FOXN3: variants seen among roughly 807,000 people sequenced by gnomAD.
The protein encoded by FOXN3 is forkhead box N3, also known as forkhead box protein N3.
FOXN3 carries 7 observed loss-of-function variants against 38.4 expected under a neutral mutation model. That is an observed-to-expected ratio of 0.18 (90% CI 0.10 to 0.34). The LOEUF is 0.34. Among genes scored for constraint, FOXN3 ranks in the 10% least tolerant of loss-of-function variants. The probability of loss-of-function intolerance (pLI) is 1.00; values close to 1 mark genes in which losing one functional copy is unlikely to be tolerated. For missense variants in FOXN3, 456 were observed against 613.4 expected (o/e 0.74, Z 2.71); for synonymous variants, 230 against 242.2 (o/e 0.95, Z 0.47).
rs139004219 is a variant in FOXN3, at chr14:89,412,200, C to A, written c.277G>T (p.Asp93Tyr). ...SVSPVQDLDD[D>Y]TPPSPAHSDM... ...GAGTGGGCAGGGGATGGGGGGGTGT[C>A]ATCGTCCAGGTCCTGGACGGGGCTG... The change falls in exon 2 of 6, where the codon GAC (aspartate) becomes TAC (tyrosine). Residue 93 changes from aspartate to tyrosine, a missense_variant. By Grantham distance (160) the Asp-to-Tyr change is radical. This residue lies in a region of FOXN3 where 386 missense variants were observed against 505.2 expected (regional missense o/e 0.76). Coordinates refer to ENST00000557258, the MANE Select transcript of FOXN3 (RefSeq NM_005197.4). The surrounding 1 kb of genome is among the most constrained non-coding windows in gnomAD (Gnocchi z 4.7). The A allele has an allele frequency of 1.2e-6, 2 of 1,613,784 alleles. No homozygotes were observed. Among genetic ancestry groups the A allele is most frequent in the South Asian group, 2.2e-5 (2 of 91,050 alleles).
At chr14:89,241,175 C>A (rs11504649) in intron 4 of FOXN3, among the ~76,000 whole-genome samples, 55 of 152,184 alleles carry the variant, frequency 3.6e-4, no homozygotes, top group African/African-American at 1.2e-3. Context: ...CATTGCTCTT[C>A]GATGGCCTAT....
At chr14:89,479,107 G>A (rs967221504) in intron 1 of FOXN3, among the ~76,000 whole-genome samples, 18 of 152,014 alleles carry the variant, frequency 1.2e-4, no homozygotes, top group Non-Finnish European at 1.9e-4. Context: ...AGCTGAAACT[G>A]TGGCTGACAG....
chr14:89,337,655 G>C (rs1888505182), intron 3 of FOXN3, among the ~76,000 whole-genome samples: 2 of 138,694 alleles, frequency 1.4e-5, no homozygotes, highest in South Asian at 4.7e-4. Context: ...TTTTGAGACG[G>C]AGTCTTGCTC....
At chr14:89,527,030 A>AAAGGAGGATGGGGAGGGGG (rs1566687235) in intron 1 of FOXN3, among the ~76,000 whole-genome samples, 54 of 150,440 alleles carry the variant, frequency 3.6e-4, no homozygotes, top group Non-Finnish European at 7.0e-4. Context: ...TATTGAGGAC[A>AAAGGAGGATGGGGAGGGGG]GGAAAGGAGG....
At chr14:89,474,280 C>T (rs2139750220) in intron 1 of FOXN3, among the ~76,000 whole-genome samples, 1 of 152,240 alleles carries the variant, frequency 6.6e-6, no homozygotes, top group African/African-American at 2.4e-5. Context: ...CAATAAAGTG[C>T]TTGGAAATAA....
intron 1 of FOXN3, among the ~76,000 whole-genome samples, chr14:89,564,679 G>A (rs1895314953): frequency 6.6e-6 from 1 of 152,180 alleles, no homozygotes; most frequent in African/African-American, 2.4e-5. Flanking sequence ...TCTGTTGGAA[G>A]TCTTAACTCT....
In FOXN3 at chr14:89,363,616, C is replaced by T. The variant is rs142392879; in HGVS notation, c.544-12808G>A. Among the ~76,000 whole-genome samples, 65 of 152,276 alleles carry T rather than the reference C, an allele frequency of 4.3e-4. 1 individual carries two copies. In the East Asian group the frequency reaches 0.012, roughly 29 times the overall value. The stretch of plus-strand genomic sequence containing the variant: ...ATTTTGGGCTTAAATGGGATGATGA[C>T]GTATACAATATACCTAACACCATAC... On this transcript the variant is annotated intron_variant, in intron 2 of 5. Transcript: ENST00000557258.
At chr14:89,359,124 G>C (rs1447763819) in intron 2 of FOXN3, among the ~76,000 whole-genome samples, 1 of 151,976 alleles carries the variant, frequency 6.6e-6, no homozygotes, top group Admixed American at 6.6e-5. Flanking sequence ...GGTGAAACCT[G>C]TCTCTGCTAA....
intron 1 of FOXN3, among the ~76,000 whole-genome samples, chr14:89,577,744 C>T (rs1434950587): frequency 1.3e-5 from 2 of 152,148 alleles, no homozygotes; most frequent in Non-Finnish European, 2.9e-5. Context: ...CCTTTTTCTT[C>T]AGGCTATCAG....
Position 89,158,105 on chromosome 14 carries a change from G to A in FOXN3, c.*4309C>T, listed in dbSNP as rs1026483291. ...AGCTTCCCATTTAGGTCACTTGTAC[G>A]TAACTCCAATTCCTTCTCCAAGAGC... On this transcript the variant is annotated 3_prime_UTR_variant, in exon 6 of 6. Transcript: ENST00000557258. 5 of 152,262 alleles carry A rather than the reference G, an allele frequency of 3.3e-5. No individual in the cohort carries two copies. The highest frequency in any genetic ancestry group is 2.1e-4 in the South Asian group (1 of 4,834). 9.4% of individuals were successfully genotyped at this position (152,262 alleles called of 1,614,324 possible). A position where few individuals can be genotyped will look rare whatever the true frequency, so the allele number is the denominator to read the frequency against.
rs185284030 is a variant in FOXN3 at position 89,578,058 on chromosome 14, G to A, written c.-15+40970C>T. ...AGGTGACCAACCCACAGCTCTTCAG[G>A]GCTCTATATTTCAACCTTGAAAGAC... On this transcript the variant is annotated intron_variant, in intron 1 of 6. Coordinates refer to the FOXN3 transcript ENST00000345097. 3.9e-5 allele frequency among the ~76,000 whole-genome samples: 6 copies of A among 152,214 alleles called. No individual in the cohort carries two copies. In the East Asian group the frequency reaches 9.7e-4, roughly 25 times the overall value.
At chr14:89,219,853 C>T (rs1459840885) in intron 4 of FOXN3, among the ~76,000 whole-genome samples, 9 of 152,154 alleles carry the variant, frequency 5.9e-5, no homozygotes, top group African/African-American at 9.7e-5. Context: ...TATCCAGCAG[C>T]GCCCCTGAGA....
intron 3 of FOXN3, among the ~76,000 whole-genome samples, chr14:89,285,208 TG>T (rs1886587054): frequency 6.6e-6 from 1 of 152,138 alleles, no homozygotes; most frequent in Non-Finnish European, 1.5e-5. Context: ...ACCTGCCAAA[TG>T]TGAACTAGGA....
Position 89,555,882 on chromosome 14 carries a change from G to GTGTGTGTGTGTGT in FOXN3, c.-15+63145_-15+63146insACACACACACACA, listed in dbSNP as rs58769284. Among the ~76,000 whole-genome samples the GTGTGTGTGTGTGT allele has an allele frequency of 7.4e-3, 772 of 104,610 alleles. 53 individuals carry two copies. The highest frequency in any genetic ancestry group is 0.01 in the Non-Finnish European group (503 of 49,326). The allele number at this position is 104,610 out of a possible 152,430, so 68.6% of individuals were successfully genotyped here. ...GTGTGTGTGTGTGTGTGTGTATGTG[G>GTGTGTGTGTGTGT]GGGTGTATGTGGGGGTGTGTGTGTT... On this transcript the variant is annotated intron_variant, in intron 1 of 6. Coordinates refer to the FOXN3 transcript ENST00000345097.
At chr14:89,168,876 C>T (rs181372972) in intron 5 of FOXN3, among the ~76,000 whole-genome samples, 17 of 152,222 alleles carry the variant, frequency 1.1e-4, no homozygotes, top group Admixed American at 9.8e-4. Flanking sequence ...AGAAAGAAAA[C>T]GTATCGCCTA....
At chr14:89,402,242 T>C (rs1891269837) in intron 2 of FOXN3, among the ~76,000 whole-genome samples, 1 of 152,260 alleles carries the variant, frequency 6.6e-6, no homozygotes, top group South Asian at 2.1e-4. Context: ...ACCTTGGTTA[T>C]TTGGAATGTT....
chr14:89,546,745 A>G (rs1248491969), intron 1 of FOXN3, among the ~76,000 whole-genome samples: 1 of 151,964 alleles, frequency 6.6e-6, no homozygotes, highest in African/African-American at 2.4e-5. Flanking sequence ...ATATACACAT[A>G]TGCATACACA....
chr14:89,604,477 A>C (rs561083040), intron 1 of FOXN3, among the ~76,000 whole-genome samples: 16 of 152,380 alleles, frequency 1.1e-4, no homozygotes, highest in African/African-American at 3.8e-4. Context: ...GAAAAAACTG[A>C]GTAAATTATC....
intron 1 of FOXN3, among the ~76,000 whole-genome samples, chr14:89,611,203 A>G (rs1017345950): frequency 6.6e-6 from 1 of 152,236 alleles, no homozygotes; most frequent in African/African-American, 2.4e-5. Context: ...TTAGGGGTAC[A>G]GGGGAGCCCC....
Sources: allele counts gnomAD v4.1 joint callset (sites outside exome capture counted in the v4.1 genomes callset), GRCh38; gene constraint gnomAD v4.1.1; regional missense constraint gnomAD v4.1.1; non-coding constraint Gnocchi (gnomAD v3.1); transcripts MANE v1.5; gene names NCBI Gene and HGNC (gene_info 2026-07-23, HGNC 2026-07-21).